SASH1: variants seen among roughly 807,000 people sequenced by gnomAD.
SASH1 encodes SAM and SH3 domain-containing protein 1.
Under a neutral mutation model 125.2 loss-of-function variants are expected in SASH1, and 44 were observed. The observed-to-expected ratio is 0.35, with a 90% confidence interval of 0.28 to 0.45. The LOEUF (loss-of-function observed/expected upper bound fraction) is 0.45. Ranked by LOEUF, SASH1 falls within the 20% of genes least tolerant of loss-of-function variation. SASH1 has a pLI of 1.00. For synonymous variants in SASH1, 639 were observed against 649.1 expected (o/e 0.98, Z 0.24); for missense variants, 1,426 against 1,614.5 (o/e 0.88, Z 2.00).
At chr6:148,206,234 C>T in the SASH1 span, among the ~76,000 whole-genome samples, 1 of 152,044 alleles carries the variant, frequency 6.6e-6, no homozygotes, top group African/African-American at 2.4e-5. Context: ...ATGCCTAGAG[C>T]ACCTGATGGA....
intron 16 of SASH1, among the ~76,000 whole-genome samples, chr6:148,537,776 CTGTGTGTGTGTGTGTG>C (rs55644027): frequency 0.026 from 3,328 of 125,672 alleles, 76 homozygotes; most frequent in African/African-American, 0.059. Context: ...TTAGCATATT[CTGTGTGTGTGTGTGTG>C]TGTGTGTGTG....
chr6:148,410,394 C>G (rs904895471), intron 2 of SASH1, among the ~76,000 whole-genome samples: 1 of 151,972 alleles, frequency 6.6e-6, no homozygotes, highest in Admixed American at 6.6e-5. Context: ...ATGAGCCCTC[C>G]CCGTAAGAAA....
intron 8 of SASH1, among the ~76,000 whole-genome samples, chr6:148,509,554 A>C (rs1157519711): frequency 6.6e-6 from 1 of 152,138 alleles, no homozygotes; most frequent in African/African-American, 2.4e-5. Context: ...CGGTCCTCCA[A>C]AGGGTCTAGT....
At chr6:148,276,935 A>G (rs552949716) in intron 1 of SASH1, among the ~76,000 whole-genome samples, 10 of 152,114 alleles carry the variant, frequency 6.6e-5, no homozygotes, top group Non-Finnish European at 1.5e-4. Context: ...AATAATAATA[A>G]TGATGATAAT....
At chr6:148,413,851 T>C (rs1784720606) in intron 2 of SASH1, among the ~76,000 whole-genome samples, 1 of 151,880 alleles carries the variant, frequency 6.6e-6, no homozygotes, top group East Asian at 1.9e-4. Flanking sequence ...TTGAACCTGG[T>C]TGTATGAACA....
chr6:148,237,122 A>C, the SASH1 span, among the ~76,000 whole-genome samples: 1 of 152,192 alleles, frequency 6.6e-6, no homozygotes, highest in African/African-American at 2.4e-5. Context: ...AAATGGACTA[A>C]GATAAGAAAC....
At chr6:148,537,291 T>C (rs564229075) in intron 16 of SASH1, among the ~76,000 whole-genome samples, 45 of 152,278 alleles carry the variant, frequency 3.0e-4, no homozygotes, top group African/African-American at 9.9e-4. Context: ...CGTGGGAAAA[T>C]GCCAGCCATC....
At chr6:148,209,009 C>G in the SASH1 span, among the ~76,000 whole-genome samples, 121 of 152,294 alleles carry the variant, frequency 7.9e-4, 1 homozygote, top group South Asian at 0.022. Flanking sequence ...ATTTAGTAGG[C>G]ACAATTCTAC....
chr6:148,545,847 G>A (rs955673007), intron 18 of SASH1, among the ~76,000 whole-genome samples, 168 bp from the exon 19 acceptor site: 4 of 152,252 alleles, frequency 2.6e-5, no homozygotes, highest in Admixed American at 1.3e-4. Context: ...AGGCCAAGGC[G>A]AGAAGATCGC....
chr6:148,424,616 CT>C (rs1160764627), intron 2 of SASH1, among the ~76,000 whole-genome samples: 22 of 152,220 alleles, frequency 1.4e-4, no homozygotes, highest in Non-Finnish European at 2.9e-4. Context: ...AAGGATCTTC[CT>C]GCCTGGGCCT....
At chr6:148,393,243 A>C (rs1236179531) in intron 2 of SASH1, among the ~76,000 whole-genome samples, 2 of 144,426 alleles carry the variant, frequency 1.4e-5, no homozygotes, top group African/African-American at 5.2e-5. Flanking sequence ...TTTTTTTAGC[A>C]GAGACAGGGT....
intron 1 of SASH1, among the ~76,000 whole-genome samples, chr6:148,387,583 TC>T (rs756073302): frequency 0.01 from 67 of 6,522 alleles, 1 homozygote; most frequent in South Asian, 0.052. Flanking sequence ...TTTCTTTCTT[TC>T]TTTCTTTCTT....
At chr6:148,296,064 A>C (rs1373888924) in intron 1 of SASH1, among the ~76,000 whole-genome samples, 1 of 152,114 alleles carries the variant, frequency 6.6e-6, no homozygotes, top group African/African-American at 2.4e-5. Context: ...AAAGGAGGGA[A>C]TACTTGTTAA....
At chr6:148,373,682 G>A (rs1237690373) in intron 1 of SASH1, among the ~76,000 whole-genome samples, 4 of 151,962 alleles carry the variant, frequency 2.6e-5, no homozygotes, top group Non-Finnish European at 4.4e-5. Flanking sequence ...AAATACAGCT[G>A]AACTGGGCTG....
chr6:148,344,509 T>C (rs1781456320), intron 1 of SASH1, among the ~76,000 whole-genome samples: 1 of 152,168 alleles, frequency 6.6e-6, no homozygotes, highest in Non-Finnish European at 1.5e-5. Context: ...CCAGCGAGCG[T>C]TGGTTAAAGA....
At chr6:148,352,076 A>G (rs924116629) in intron 1 of SASH1, among the ~76,000 whole-genome samples, 11 of 152,234 alleles carry the variant, frequency 7.2e-5, no homozygotes, top group South Asian at 2.1e-4. Context: ...AGAAACAAAC[A>G]AACAAAAGTT....
chr6:148,362,822 C>T (rs946717719), intron 1 of SASH1, among the ~76,000 whole-genome samples: 4 of 151,976 alleles, frequency 2.6e-5, no homozygotes, highest in African/African-American at 7.2e-5. Context: ...CACTCCAGCC[C>T]GGGAAACAGA....
chr6:148,525,211 A>G (rs1290279618), intron 10 of SASH1, 80 bp from the exon 11 acceptor site: 2 of 952,958 alleles, frequency 2.1e-6, no homozygotes, highest in Admixed American at 1.7e-5. Flanking sequence ...ATGTCCTGCA[A>G]ACGGGGACTG....
chr6:148,268,887 G>A (rs770834430), upstream of SASH1, among the ~76,000 whole-genome samples: 3 of 152,190 alleles, frequency 2.0e-5, no homozygotes, highest in Non-Finnish European at 4.4e-5. Context: ...CGGTTACTCA[G>A]TTCTAAACTT....
Sources: allele counts gnomAD v4.1 joint callset (sites outside exome capture counted in the v4.1 genomes callset), GRCh38; gene constraint gnomAD v4.1.1; transcripts MANE v1.5; gene names NCBI Gene and HGNC (gene_info 2026-07-23, HGNC 2026-07-21).